The following CRYBG1 variants were observed in gnomAD, a reference collection of about 807,000 sequenced individuals.
CRYBG1 encodes the protein crystallin beta-gamma domain containing 1.
In CRYBG1, 139 loss-of-function variants were observed where a neutral mutation model predicts 189.2. The observed-to-expected ratio is 0.73, with a 90% CI of 0.64 to 0.85. The LOEUF (loss-of-function observed/expected upper bound fraction) is 0.85. Ranked by LOEUF, CRYBG1 falls within the 40% of genes least tolerant of loss-of-function variation. The pLI, the probability that CRYBG1 is intolerant of heterozygous loss-of-function variation, is 0.00. For synonymous variants in CRYBG1, 1,023 were observed against 1,017.1 expected (o/e 1.01, Z -0.11); for missense variants, 2,611 against 2,675.8 (o/e 0.98, Z 0.53).
At chr6:106,411,254 A>G (rs1770923599) in intron 1 of CRYBG1, among the ~76,000 whole-genome samples, 1 of 152,202 alleles carries the variant, frequency 6.6e-6, no homozygotes, top group Non-Finnish European at 1.5e-5. Flanking sequence ...CGGGGCCATA[A>G]TAAAATGTTA....
chr6:106,404,886 A>T (rs1347120722), intron 1 of CRYBG1, among the ~76,000 whole-genome samples: 1 of 152,022 alleles, frequency 6.6e-6, no homozygotes, highest in Non-Finnish European at 1.5e-5. Flanking sequence ...TTCGCAACCC[A>T]CAGACCAGGA....
intron 1 of CRYBG1, among the ~76,000 whole-genome samples, chr6:106,419,189 C>T (rs1027831137): frequency 1.3e-5 from 2 of 152,286 alleles, no homozygotes; most frequent in African/African-American, 4.8e-5. Context: ...TTCCACCTTG[C>T]TTATCTATGT....
At chr6:106,466,158 C>A (rs1051259296) in intron 2 of CRYBG1, among the ~76,000 whole-genome samples, 4 of 152,146 alleles carry the variant, frequency 2.6e-5, no homozygotes, top group African/African-American at 9.7e-5. Context: ...TTTGAAATAG[C>A]AAATATTTTC....
intron 21 of CRYBG1, among the ~76,000 whole-genome samples, 174 bp from the exon 22 acceptor site, chr6:106,568,297 AC>A (rs1273682659): frequency 2.6e-5 from 4 of 152,148 alleles, no homozygotes; most frequent in South Asian, 2.1e-4. Context: ...TGGCAGGTTG[AC>A]CCTCTCATCC....
chr6:106,478,807 A>C (rs968613825), intron 2 of CRYBG1, among the ~76,000 whole-genome samples: 5 of 152,210 alleles, frequency 3.3e-5, no homozygotes, highest in African/African-American at 1.2e-4. Flanking sequence ...TGGCGGCATT[A>C]GATTCTCATA....
chr6:106,504,576 A>T (rs1773088020), intron 2 of CRYBG1, among the ~76,000 whole-genome samples: 1 of 152,160 alleles, frequency 6.6e-6, no homozygotes, highest in Non-Finnish European at 1.5e-5. Flanking sequence ...TTAAAATGAA[A>T]AGCTTCTGTG....
At chr6:106,560,684 CAATGTATGTT>C in intron 18 of CRYBG1, 109 bp from the exon 19 acceptor site, 1 of 1,188,450 alleles carries the variant, frequency 8.4e-7, no homozygotes, top group Non-Finnish European at 1.1e-6. Context: ...ATTTTTCCCC[CAATGTATGTT>C]AAAAGTATAT....
At chr6:106,377,357 AC>A (rs1360531964) in intron 1 of CRYBG1, among the ~76,000 whole-genome samples, 1 of 152,192 alleles carries the variant, frequency 6.6e-6, no homozygotes, top group Non-Finnish European at 1.5e-5. Context: ...TAAAGGAGAC[AC>A]AAAGCATGTA....
chr6:106,557,292 G>T (rs752336192), intron 17 of CRYBG1, among the ~76,000 whole-genome samples: 2 of 152,066 alleles, frequency 1.3e-5, no homozygotes, highest in Non-Finnish European at 2.9e-5. Context: ...TTTACTGATG[G>T]ACAAAATCTT....
chr6:106,457,187 AC>A (rs1272830289), intron 2 of CRYBG1: 4 of 152,284 alleles, frequency 2.6e-5, no homozygotes, highest in African/African-American at 9.6e-5. Flanking sequence ...TCGAGGGGCC[AC>A]ATCTGGTGAG....
At chr6:106,533,178 G>T (rs1033000241) in intron 8 of CRYBG1, among the ~76,000 whole-genome samples, 2 of 152,198 alleles carry the variant, frequency 1.3e-5, no homozygotes, top group Non-Finnish European at 2.9e-5. Flanking sequence ...TTTAAGGAGG[G>T]ACCGGCAGGA....
chr6:106,423,386 TAA>T (rs58609287), intron 1 of CRYBG1, among the ~76,000 whole-genome samples: 1 of 147,266 alleles, frequency 6.8e-6, no homozygotes, highest in South Asian at 2.1e-4. Flanking sequence ...GTCACAGAAT[TAA>T]AAAAAAAAAT....
intron 2 of CRYBG1, among the ~76,000 whole-genome samples, chr6:106,470,640 G>A (rs1228282186): frequency 6.6e-6 from 1 of 152,070 alleles, no homozygotes; most frequent in South Asian, 2.1e-4. Flanking sequence ...GAACACAAAA[G>A]CAAGTATATA....
chr6:106,434,612 GGTA>G (rs935072483), intron 1 of CRYBG1, among the ~76,000 whole-genome samples: 5 of 152,194 alleles, frequency 3.3e-5, no homozygotes, highest in Non-Finnish European at 7.3e-5. Flanking sequence ...TAAAGGTCTA[GGTA>G]GTAAGTATTT....
chr6:106,526,784 T>A (rs1288260543), intron 6 of CRYBG1, among the ~76,000 whole-genome samples: 4 of 151,474 alleles, frequency 2.6e-5, no homozygotes, highest in African/African-American at 9.7e-5. Context: ...CTACTAAAAA[T>A]ACAAAAATCA....
At chr6:106,509,998 C>G (rs944991674) in intron 2 of CRYBG1, among the ~76,000 whole-genome samples, 2 of 152,116 alleles carry the variant, frequency 1.3e-5, no homozygotes, top group Non-Finnish European at 2.9e-5. Flanking sequence ...TTCCCATCGC[C>G]AAAGTCCATT....
chr6:106,523,114 A>G (rs1773649033), intron 4 of CRYBG1, among the ~76,000 whole-genome samples: 1 of 151,888 alleles, frequency 6.6e-6, no homozygotes, highest in East Asian at 1.9e-4. Context: ...TCCGCTGGAC[A>G]TTTGAGACAG....
chr6:106,384,187 G>T (rs1313696739), intron 1 of CRYBG1, among the ~76,000 whole-genome samples: 5 of 152,100 alleles, frequency 3.3e-5, no homozygotes, highest in African/African-American at 1.2e-4. Flanking sequence ...CCAAAACAAG[G>T]CTACAGAGAC....
intron 1 of CRYBG1, among the ~76,000 whole-genome samples, chr6:106,435,416 T>C (rs920905933): frequency 2.6e-5 from 4 of 152,120 alleles, no homozygotes; most frequent in African/African-American, 4.8e-5. Context: ...GCTCCTGCCT[T>C]GGCCTCCCAA....
Sources: gnomAD v4.1 joint callset for allele counts (sites outside exome capture counted in the v4.1 genomes callset) on GRCh38, gnomAD v4.1.1 for gene constraint, MANE v1.5 for transcripts, NCBI Gene and HGNC (gene_info 2026-07-23, HGNC 2026-07-21) for gene names.